The following SCN8A variants were observed in gnomAD, a reference collection of about 807,000 sequenced individuals.
SCN8A encodes sodium channel protein type 8 subunit alpha.
SCN8A carries 30 observed loss-of-function variants against 184.1 expected under a neutral mutation model. The ratio of observed to expected loss-of-function variants is 0.16; its 90% CI spans 0.12 to 0.22. The LOEUF (loss-of-function observed/expected upper bound fraction) is 0.22, where lower values mean the gene tolerates loss of function less well. Among genes scored for constraint, SCN8A ranks in the 10% least tolerant of loss-of-function variants. The pLI is 1.00. For missense variants in SCN8A, 1,057 were observed against 2,498.9 expected (o/e 0.42, Z 12.30); for synonymous variants, 852 against 907.0 (o/e 0.94, Z 1.09).
intron 24 of SCN8A, 143 bp downstream of exon 24, chr12:51,789,561 G>A (rs896407982): frequency 3.7e-5 from 34 of 924,358 alleles, no homozygotes; most frequent in South Asian, 5.1e-5. Context: ...GCCCCCATAC[G>A]TTAGCCCCAA....
At chr12:51,785,049 C>A (rs182146968) in intron 21 of SCN8A, among the ~76,000 whole-genome samples, 1 of 152,168 alleles carries the variant, frequency 6.6e-6, no homozygotes, top group Admixed American at 6.5e-5. Flanking sequence ...AATCTACTCC[C>A]GTATTGTTTG....
intron 21 of SCN8A, among the ~76,000 whole-genome samples, chr12:51,783,219 T>C (rs1382743952): frequency 6.6e-6 from 1 of 152,186 alleles, no homozygotes; most frequent in Non-Finnish European, 1.5e-5. Context: ...AAGAAAAGAT[T>C]GGATTTGGCT....
intron 3 of SCN8A, among the ~76,000 whole-genome samples, chr12:51,684,595 T>A (rs530629561): frequency 6.6e-6 from 1 of 152,322 alleles, no homozygotes; most frequent in African/African-American, 2.4e-5. Context: ...ACTTCAGTGA[T>A]TTCTTTCTGT....
At chr12:51,621,462 AT>A (rs1939960630) in intron 1 of SCN8A, among the ~76,000 whole-genome samples, 1 of 152,240 alleles carries the variant, frequency 6.6e-6, no homozygotes, top group African/African-American at 2.4e-5. Context: ...AGTGCATCAT[AT>A]TGGTGACCCC....
chr12:51,662,188 A>C (rs1410016364), intron 1 of SCN8A, among the ~76,000 whole-genome samples: 1 of 152,258 alleles, frequency 6.6e-6, no homozygotes, highest in Non-Finnish European at 1.5e-5. Flanking sequence ...TGGATTTTAC[A>C]CAACTTGATG....
intron 21 of SCN8A, among the ~76,000 whole-genome samples, chr12:51,785,558 G>A (rs985924509): frequency 6.6e-6 from 1 of 152,180 alleles, no homozygotes; most frequent in African/African-American, 2.4e-5. Context: ...AGAAGATAAG[G>A]AAACCCTAAA....
At chr12:51,787,271 C>G (rs1035893985) in intron 22 of SCN8A, among the ~76,000 whole-genome samples, 1 of 152,138 alleles carries the variant, frequency 6.6e-6, no homozygotes, top group Non-Finnish European at 1.5e-5. Context: ...TGCCTTGGTG[C>G]CACACTCACC....
intron 3 of SCN8A, among the ~76,000 whole-genome samples, chr12:51,685,444 T>A (rs1197107482): frequency 6.6e-6 from 1 of 151,976 alleles, no homozygotes; most frequent in Non-Finnish European, 1.5e-5. Flanking sequence ...ACAATTAGAG[T>A]TTGAGTAACT....
chr12:51,636,769 T>C (rs1024486696), intron 1 of SCN8A, among the ~76,000 whole-genome samples: 3 of 152,270 alleles, frequency 2.0e-5, no homozygotes, highest in Non-Finnish European at 4.4e-5. Flanking sequence ...CATGATGCAA[T>C]GCAAGGCATT....
chr12:51,757,459 C>T (rs1942693790), intron 14 of SCN8A, among the ~76,000 whole-genome samples: 2 of 152,164 alleles, frequency 1.3e-5, no homozygotes, highest in Non-Finnish European at 2.9e-5. Flanking sequence ...ACGCTCGTCA[C>T]TTTCAAATAA....
chr12:51,737,936 T>C (rs1471690874), intron 12 of SCN8A, among the ~76,000 whole-genome samples: 1 of 152,252 alleles, frequency 6.6e-6, no homozygotes, highest in South Asian at 2.1e-4. Flanking sequence ...TGGCGCTATG[T>C]GCCCATTTTC....
intron 2 of SCN8A, among the ~76,000 whole-genome samples, chr12:51,676,771 C>T (rs182639732): frequency 6.6e-6 from 1 of 152,246 alleles, no homozygotes; most frequent in East Asian, 1.9e-4. Flanking sequence ...CAGCTGCCCT[C>T]TTGTTGATTA....
intron 5 of SCN8A, among the ~76,000 whole-genome samples, chr12:51,687,602 C>T (rs1941439819): frequency 6.6e-6 from 1 of 152,144 alleles, no homozygotes. Context: ...AAATTAGTTT[C>T]CTGGGTATGT....
intron 1 of SCN8A, among the ~76,000 whole-genome samples, chr12:51,606,061 A>T (rs746242396): frequency 1.2e-4 from 19 of 152,028 alleles, no homozygotes; most frequent in Non-Finnish European, 2.4e-4. Context: ...TACTCTGCTG[A>T]CTTCCTTGTG....
In SCN8A at chr12:51,806,784, G is replaced by A. The variant is rs201801330; in HGVS notation, c.5298G>A (p.Leu1766=). 3 of 1,614,148 alleles carry A rather than the reference G, an allele frequency of 1.9e-6. No homozygotes were observed. The highest frequency in any genetic ancestry group is 2.5e-6 in the Non-Finnish European group (3 of 1,180,026). ...IVVNMYIAII[L]ENFSVATEES... is the part of the protein sequence containing the mutation. Reference sequence around the variant, plus strand: ...TGAACATGTACATTGCCATCATCCTGGAGAACTTCAGTGTAGCCACAGAGG... The same window carrying A: ...TGAACATGTACATTGCCATCATCCTAGAGAACTTCAGTGTAGCCACAGAGG... Residue 1766 remains leucine, a synonymous_variant, in exon 27 of 27, where the codon CTG becomes CTA. Transcript: ENST00000627620. This position sits in a 1 kb window ranked among gnomAD's most constrained non-coding sequence, Gnocchi z 8.7.
intron 16 of SCN8A, among the ~76,000 whole-genome samples, chr12:51,767,515 A>G (rs1269887231): frequency 2.6e-5 from 4 of 152,058 alleles, no homozygotes; most frequent in Non-Finnish European, 5.9e-5. Flanking sequence ...ATCTTTCTTC[A>G]TAGTATCTAA....
chr12:51,616,652 G>A (rs1939844725), intron 1 of SCN8A, among the ~76,000 whole-genome samples: 2 of 152,030 alleles, frequency 1.3e-5, no homozygotes, highest in Admixed American at 6.6e-5. Context: ...GGGCATGGTG[G>A]TTCCTGCTTG....
intron 26 of SCN8A, among the ~76,000 whole-genome samples, chr12:51,799,112 G>A (rs1938489249): frequency 6.6e-6 from 1 of 152,184 alleles, no homozygotes; most frequent in Admixed American, 6.5e-5. Flanking sequence ...CTAGGCCCTA[G>A]TCTTCTCTTC....
chr12:51,608,934 A>G (rs1448955211), intron 1 of SCN8A, among the ~76,000 whole-genome samples: 1 of 152,136 alleles, frequency 6.6e-6, no homozygotes, highest in East Asian at 1.9e-4. Context: ...AGTTTGTGTC[A>G]TTACTGTCGT....
Sources: allele counts gnomAD v4.1 joint callset (sites outside exome capture counted in the v4.1 genomes callset), GRCh38; gene constraint gnomAD v4.1.1; non-coding constraint Gnocchi (gnomAD v3.1); transcripts MANE v1.5; gene names NCBI Gene and HGNC (gene_info 2026-07-23, HGNC 2026-07-21).